Variants in MBD5 observed in about 807,000 individuals in gnomAD.
The protein encoded by MBD5 is methyl-CpG binding domain protein 5.
A neutral mutation model predicts 117.3 loss-of-function variants in MBD5; 13 were observed. The observed-to-expected ratio is 0.11, with a 90% CI of 0.07 to 0.18. The LOEUF is 0.18. MBD5 is among the 10% of genes least tolerant of loss of function. MBD5 has a pLI of 1.00. For synonymous variants in MBD5, 727 were observed against 766.4 expected (o/e 0.95, Z 0.85); for missense variants, 1,879 against 2,093.8 (o/e 0.90, Z 2.00).
chr2:148,479,806 CCA>C (rs1473633985), intron 8 of MBD5, among the ~76,000 whole-genome samples: 2 of 150,668 alleles, frequency 1.3e-5, no homozygotes, highest in Non-Finnish European at 3.0e-5. Flanking sequence ...AAATATTATA[CCA>C]CTTGACTAGT....
rs537348932 is a variant in MBD5, at chr2:148,271,109, G to C, written c.-680+37714G>C. Among the ~76,000 whole-genome samples, 4 of 152,220 alleles carry C rather than the reference G, an allele frequency of 2.6e-5. No individual in the cohort carries two copies. The East Asian group carries it at 7.7e-4, about 29-fold the overall frequency. The stretch of plus-strand genomic sequence containing the variant: ...TTTATTTTTATTGTTAAAATATGGA[G>C]TCTGTAATTGATGTTTCAGTTTCCT... On this transcript the variant is annotated intron_variant, in intron 3 of 13. Coordinates refer to ENST00000642680, the MANE Select transcript of MBD5 (RefSeq NM_001378120.1).
At chr2:148,311,922 G>C (rs1702041643) in intron 3 of MBD5, among the ~76,000 whole-genome samples, 1 of 152,160 alleles carries the variant, frequency 6.6e-6, no homozygotes, top group Non-Finnish European at 1.5e-5. Context: ...TAGTTTGGTT[G>C]CATATGAAAT....
chr2:148,328,161 G>C (rs543857178), intron 3 of MBD5, among the ~76,000 whole-genome samples: 3 of 152,336 alleles, frequency 2.0e-5, no homozygotes, highest in Admixed American at 6.5e-5. Context: ...TCGGGGGTCA[G>C]GGGTCAGGGA....
chr2:148,179,256 G>T (rs1032666514), intron 2 of MBD5, among the ~76,000 whole-genome samples: 1 of 151,712 alleles, frequency 6.6e-6, no homozygotes, highest in Non-Finnish European at 1.5e-5. Context: ...TCGGGAGGCT[G>T]AGGCAGGAGA....
intron 4 of MBD5, among the ~76,000 whole-genome samples, chr2:148,445,577 A>T (rs1238421172): frequency 5.3e-5 from 8 of 151,412 alleles, no homozygotes; most frequent in African/African-American, 2.0e-4. Context: ...TGCTATTGTG[A>T]ATAGTGCCTC....
intron 2 of MBD5, among the ~76,000 whole-genome samples, chr2:148,217,175 C>T (rs1446676720): frequency 6.6e-6 from 1 of 152,084 alleles, no homozygotes; most frequent in Non-Finnish European, 1.5e-5. Context: ...TGTGATGGGG[C>T]TACGGTATGT....
chr2:148,356,263 G>A (rs779985789), intron 4 of MBD5, among the ~76,000 whole-genome samples: 2 of 151,988 alleles, frequency 1.3e-5, no homozygotes, highest in Non-Finnish European at 2.9e-5. Context: ...AATTCTTGAC[G>A]ATAATGGCAG....
chr2:148,166,109 A>T (rs1210167170), intron 1 of MBD5, among the ~76,000 whole-genome samples: 2 of 152,176 alleles, frequency 1.3e-5, no homozygotes. Context: ...GTAAGAAAAA[A>T]ATCTAATAAA....
intron 1 of MBD5, among the ~76,000 whole-genome samples, chr2:148,164,390 G>A (rs945782945): frequency 6.6e-6 from 1 of 152,060 alleles, no homozygotes; most frequent in African/African-American, 2.4e-5. Context: ...GTGTCTTGGT[G>A]GGGGTAGGGT....
At chr2:148,136,745 AT>A (rs1175714026) in intron 1 of MBD5, among the ~76,000 whole-genome samples, 1 of 151,994 alleles carries the variant, frequency 6.6e-6, no homozygotes, top group Non-Finnish European at 1.5e-5. Context: ...TAATAAAAAA[AT>A]CTTCTCCCCA....
chr2:148,263,949 G>A lies in MBD5; in HGVS notation c.-680+30554G>A, dbSNP rs191230082. ...CTCTAGCAGTACTCCAGCAACCTATGTATAGTATTAGAGAAAGCAGACATT... is the reference window on the plus strand; with the variant it reads ...CTCTAGCAGTACTCCAGCAACCTATATATAGTATTAGAGAAAGCAGACATT... On this transcript the variant is annotated intron_variant, in intron 3 of 13. Transcript: ENST00000642680. Among the ~76,000 whole-genome samples, 149 of 152,216 alleles carry A rather than the reference G, an allele frequency of 9.8e-4. 1 individual carries two copies. The highest frequency in any genetic ancestry group is 9.4e-4 in the Non-Finnish European group (64 of 68,006).
At chr2:148,465,191 T>G (rs1489411140) in intron 7 of MBD5, among the ~76,000 whole-genome samples, 1 of 152,184 alleles carries the variant, frequency 6.6e-6, no homozygotes, top group African/African-American at 2.4e-5. Flanking sequence ...CTAGGAATAC[T>G]GCATAGATGA....
At chr2:148,290,721 T>A (rs1701481340) in intron 3 of MBD5, among the ~76,000 whole-genome samples, 1 of 152,208 alleles carries the variant, frequency 6.6e-6, no homozygotes, top group Non-Finnish European at 1.5e-5. Flanking sequence ...CAAATAATAT[T>A]TCAGTTACGA....
At chr2:148,203,059 C>T (rs945033938) in intron 2 of MBD5, among the ~76,000 whole-genome samples, 1 of 147,842 alleles carries the variant, frequency 6.8e-6, no homozygotes, top group African/African-American at 2.5e-5. Context: ...GAGCCAAGAT[C>T]GCGCCATTGC....
At chr2:148,150,530 G>T (rs996550970) in intron 1 of MBD5, among the ~76,000 whole-genome samples, 22 of 152,132 alleles carry the variant, frequency 1.4e-4, no homozygotes, top group Non-Finnish European at 2.9e-4. Flanking sequence ...ATTACCTTGG[G>T]CAGTATGGCC....
At chr2:148,478,603 G>A (rs1319136161) in intron 8 of MBD5, among the ~76,000 whole-genome samples, 10 of 152,108 alleles carry the variant, frequency 6.6e-5, no homozygotes, top group Non-Finnish European at 1.5e-4. Context: ...AGCTACCACT[G>A]TCATTTCCTC....
intron 4 of MBD5, among the ~76,000 whole-genome samples, chr2:148,423,053 A>C (rs532701150): frequency 9.2e-5 from 14 of 152,328 alleles, no homozygotes; most frequent in African/African-American, 3.4e-4. Flanking sequence ...AAGACAGGCC[A>C]ACATTCAAAT....
chr2:148,427,353 G>A (rs966517180), intron 4 of MBD5, among the ~76,000 whole-genome samples: 14 of 152,072 alleles, frequency 9.2e-5, no homozygotes, highest in Non-Finnish European at 1.6e-4. Flanking sequence ...ACATGCACAC[G>A]TATGTTTACT....
At chr2:148,152,017 T>C (rs1389165524) in intron 1 of MBD5, among the ~76,000 whole-genome samples, 1 of 150,994 alleles carries the variant, frequency 6.6e-6, no homozygotes, top group East Asian at 1.9e-4. Context: ...TTTCTAGTTC[T>C]TTTAATTGTG....
Sources: allele counts gnomAD v4.1 joint callset (sites outside exome capture counted in the v4.1 genomes callset), GRCh38; gene constraint gnomAD v4.1.1; transcripts MANE v1.5; gene names NCBI Gene and HGNC (gene_info 2026-07-23, HGNC 2026-07-21).